Variants in TUSC3 observed in about 807,000 individuals in gnomAD.
The protein encoded by TUSC3 is dolichyl-diphosphooligosaccharide--protein glycosyltransferase subunit TUSC3.
A neutral mutation model predicts 44.8 loss-of-function variants in TUSC3; 45 were observed. That is an observed-to-expected ratio of 1.00 (90% CI 0.79 to 1.29). The LOEUF (loss-of-function observed/expected upper bound fraction) is 1.29. Ranked by LOEUF, TUSC3 falls within the 50% of genes most tolerant of loss-of-function variation. The pLI, the probability that TUSC3 is intolerant of heterozygous loss-of-function variation, is 0.00. For missense variants in TUSC3, 519 were observed against 437.9 expected, an observed-to-expected ratio of 1.19 and a Z score of -1.65; for synonymous variants, 212 against 152.9, an observed-to-expected ratio of 1.39 and a Z score of -2.85.
In TUSC3 at chr8:15,673,707, C is replaced by A. The variant is rs1391048243; in HGVS notation, c.709-40C>A. ...TTTAGAAATGCATTATTCTGGTATT[C>A]TCTGGTTTACATATTGAAACACTGC... On this transcript the variant is annotated intron_variant, in intron 5 of 10. Coordinates refer to ENST00000503731, the MANE Select transcript of TUSC3 (RefSeq NM_006765.4). The A allele has an allele frequency of 4.8e-6, 7 of 1,458,980 alleles. No homozygotes were observed. In the African/African-American group the frequency reaches 7.0e-5, roughly 15 times the overall value. The allele number at this position is 1,458,980 out of a possible 1,614,324, so 90.4% of individuals were successfully genotyped here. A position where few individuals can be genotyped will look rare whatever the true frequency, so the allele number is the denominator to read the frequency against.
intron 2 of TUSC3, among the ~76,000 whole-genome samples, chr8:15,497,133 T>A (rs1387808888): frequency 1.3e-5 from 2 of 152,174 alleles, no homozygotes; most frequent in South Asian, 4.1e-4. Context: ...ATAAAAGGTA[T>A]GGTGGTTGTC....
At chr8:15,644,030 C>G (rs1456285177) in intron 2 of TUSC3, among the ~76,000 whole-genome samples, 2 of 152,112 alleles carry the variant, frequency 1.3e-5, no homozygotes, top group African/African-American at 2.4e-5. Flanking sequence ...AAAAGAGAAG[C>G]TATACTTCTT....
chr8:15,523,700 G>GTATATATATATATATATATATA (rs1373439598), intron 2 of TUSC3, among the ~76,000 whole-genome samples: 5 of 103,302 alleles, frequency 4.8e-5, no homozygotes, highest in African/African-American at 8.7e-5. Flanking sequence ...GTGTGTGTGT[G>GTATATATATATATATATATATA]TGTGTGTGTA....
intron 2 of TUSC3, among the ~76,000 whole-genome samples, chr8:15,489,102 G>A (rs1485101847): frequency 1.3e-5 from 2 of 152,158 alleles, no homozygotes; most frequent in African/African-American, 2.4e-5. Flanking sequence ...GAAAACATGT[G>A]TCCAACATGG....
intron 2 of TUSC3, among the ~76,000 whole-genome samples, chr8:15,534,908 T>C (rs1801502583): frequency 6.6e-6 from 1 of 152,176 alleles, no homozygotes; most frequent in South Asian, 2.1e-4. Flanking sequence ...CTGTGAGTGG[T>C]TGAAGTATGG....
At chr8:15,652,162 T>G (rs1236296116) in intron 3 of TUSC3, among the ~76,000 whole-genome samples, 2 of 152,214 alleles carry the variant, frequency 1.3e-5, no homozygotes, top group Non-Finnish European at 2.9e-5. Flanking sequence ...CAAAACTTAG[T>G]GCAGTTCCGG....
At chr8:15,625,190 A>G (rs1027013166) in intron 2 of TUSC3, among the ~76,000 whole-genome samples, 2 of 152,116 alleles carry the variant, frequency 1.3e-5, no homozygotes, top group African/African-American at 4.8e-5. Context: ...ACAGGAATGG[A>G]TACTATTTAA....
chr8:15,664,043 T>C (rs1807544020), intron 5 of TUSC3, among the ~76,000 whole-genome samples: 1 of 151,884 alleles, frequency 6.6e-6, no homozygotes, highest in Admixed American at 6.6e-5. Context: ...CCAGAATTAT[T>C]GCATTGTAAG....
chr8:15,435,520 A>G (rs1459928941), intron 1 of TUSC3, among the ~76,000 whole-genome samples: 1 of 152,222 alleles, frequency 6.6e-6, no homozygotes, highest in Admixed American at 6.5e-5. Flanking sequence ...ATATTATATA[A>G]AACAAAATAC....
intron 6 of TUSC3, among the ~76,000 whole-genome samples, chr8:15,706,808 TA>T (rs199713336): frequency 0.018 from 2,780 of 152,124 alleles, 33 homozygotes; most frequent in Middle Eastern, 0.027. Flanking sequence ...GACACTTTAA[TA>T]AAGTACTTGT....
chr8:15,673,074 A>G (rs1426028738), intron 5 of TUSC3, among the ~76,000 whole-genome samples: 1 of 152,048 alleles, frequency 6.6e-6, no homozygotes, highest in Non-Finnish European at 1.5e-5. Context: ...TACTGATTGA[A>G]CTGTGACTTC....
chr8:15,489,847 C>G (rs1238798110), intron 2 of TUSC3, among the ~76,000 whole-genome samples: 1 of 152,188 alleles, frequency 6.6e-6, no homozygotes, highest in Non-Finnish European at 1.5e-5. Context: ...GGGGTCCATT[C>G]AGTCCCTTGG....
At chr8:15,664,010 T>G (rs1807542154) in intron 5 of TUSC3, among the ~76,000 whole-genome samples, 1 of 151,874 alleles carries the variant, frequency 6.6e-6, no homozygotes, top group South Asian at 2.1e-4. Flanking sequence ...ATCCTTACAT[T>G]ATTCTTATTC....
chr8:15,662,909 G>C (rs900506366), intron 5 of TUSC3, among the ~76,000 whole-genome samples: 1 of 151,868 alleles, frequency 6.6e-6, no homozygotes, highest in Non-Finnish European at 1.5e-5. Flanking sequence ...GCTGAATTCT[G>C]TAGAAGAAAA....
At chr8:15,603,743 C>G (rs942133383) in intron 1 of TUSC3, among the ~76,000 whole-genome samples, 17 of 151,244 alleles carry the variant, frequency 1.1e-4, no homozygotes, top group Non-Finnish European at 1.9e-4. Context: ...AGGAAAGTAC[C>G]TGCGATTCCT....
rs147494413 is a variant in TUSC3 at position 15,605,840 on chromosome 8, T to C, written c.139-17240T>C. On this transcript the variant is annotated intron_variant, in intron 1 of 10. Coordinates refer to ENST00000503731, the MANE Select transcript of TUSC3 (RefSeq NM_006765.4). ...AATCACAACTGCATAAAATTAACTG[T>C]AGTACGTTATAGGCTACTGTCATAA... 3.2e-4 allele frequency among the ~76,000 whole-genome samples: 48 copies of C among 152,124 alleles called. 1 individual carries two copies. The highest frequency in any genetic ancestry group is 1.0e-3 in the African/African-American group (43 of 41,542).
chr8:15,694,165 G>A lies in TUSC3; in HGVS notation c.798+20329G>A, dbSNP rs559037923. Among the ~76,000 whole-genome samples, 27 of 152,036 alleles carry A rather than the reference G, an allele frequency of 1.8e-4. No individual in the cohort carries two copies. The East Asian group carries it at 2.1e-3, about 12-fold the overall frequency. ...AGCCTGGTTAAGAACCATGTTGGCC[G>A]GGCACAGTGGCTCATGCCTGTAATT... On this transcript the variant is annotated intron_variant, in intron 6 of 10. Coordinates refer to ENST00000503731, the MANE Select transcript of TUSC3 (RefSeq NM_006765.4).
intron 1 of TUSC3, among the ~76,000 whole-genome samples, chr8:15,448,951 C>A (rs1376459648): frequency 1.3e-5 from 2 of 152,046 alleles, no homozygotes; most frequent in African/African-American, 4.8e-5. Context: ...ATAAATTTAG[C>A]ATAGACTAAT....
intron 10 of TUSC3, among the ~76,000 whole-genome samples, chr8:15,760,328 C>T (rs1031261311): frequency 1.4e-4 from 22 of 152,242 alleles, no homozygotes; most frequent in Middle Eastern, 3.4e-3. Flanking sequence ...TTGTAAGCTG[C>T]TTATTTTTCT....
Sources: allele counts gnomAD v4.1 joint callset (sites outside exome capture counted in the v4.1 genomes callset), GRCh38; gene constraint gnomAD v4.1.1; transcripts MANE v1.5; gene names NCBI Gene and HGNC (gene_info 2026-07-23, HGNC 2026-07-21).